Variants in EDA observed in about 807,000 individuals in gnomAD.
EDA encodes the protein ectodysplasin A.
A neutral mutation model predicts 23.6 loss-of-function variants in EDA; 2 were observed. The observed-to-expected ratio is 0.08, with a 90% CI of 0.03 to 0.27. EDA has a LOEUF of 0.27. EDA is among the 10% of genes least tolerant of loss of function. EDA has a pLI of 1.00. For missense variants in EDA, 229 were observed against 324.2 expected (o/e 0.71, Z 2.26); for synonymous variants, 131 against 132.0 (o/e 0.99, Z 0.05).
At chrX:69,717,161 G>A (rs767790713) in intron 1 of EDA, among the ~76,000 whole-genome samples, 1 of 111,131 alleles carries the variant, frequency 9.0e-6, no homozygotes, top group South Asian at 3.8e-4. Flanking sequence ...CAAGGGGAAT[G>A]CTTCCAGCTT....
intron 1 of EDA, among the ~76,000 whole-genome samples, chrX:69,731,177 G>A (rs1021963858): frequency 9.0e-6 from 1 of 111,154 alleles, no homozygotes; most frequent in Non-Finnish European, 1.9e-5. Flanking sequence ...TCTTTTTAAT[G>A]TCTGTAGGGT....
At chrX:69,908,287 T>A (rs2018208299) in intron 1 of EDA, among the ~76,000 whole-genome samples, 1 of 110,718 alleles carries the variant, frequency 9.0e-6, no homozygotes, top group Non-Finnish European at 1.9e-5. Flanking sequence ...AGATAATTAA[T>A]CCTATATCTT....
chrX:69,661,177 A>G (rs1310207675), intron 1 of EDA, among the ~76,000 whole-genome samples: 1 of 107,932 alleles, frequency 9.3e-6, no homozygotes, highest in Non-Finnish European at 1.9e-5. Context: ...TCCTTTGCCC[A>G]CTTTTTGATG....
chrX:69,962,278 G>T (rs1475867018), intron 2 of EDA, among the ~76,000 whole-genome samples: 2 of 111,577 alleles, frequency 1.8e-5, no homozygotes, highest in Non-Finnish European at 3.8e-5. Flanking sequence ...CAATCTTGAT[G>T]TCACTGCCAC....
intron 1 of EDA, among the ~76,000 whole-genome samples, chrX:69,798,391 C>G (rs1052726008): frequency 9.0e-6 from 1 of 111,583 alleles, no homozygotes; most frequent in Non-Finnish European, 1.9e-5. Context: ...GTGGAACATT[C>G]TCCAGGATAG....
chrX:69,839,322 CT>C (rs2016847072), intron 1 of EDA, among the ~76,000 whole-genome samples: 1 of 111,614 alleles, frequency 9.0e-6, no homozygotes, highest in Admixed American at 9.5e-5. Context: ...CACAGTTGAA[CT>C]TTTCCAAAAT....
intron 1 of EDA, among the ~76,000 whole-genome samples, chrX:69,881,901 T>C (rs2017754041): frequency 9.1e-6 from 1 of 110,139 alleles, no homozygotes; most frequent in Non-Finnish European, 1.9e-5. Flanking sequence ...GATCTTGTGG[T>C]AACTAATAGA....
chrX:69,786,077 G>A (rs1238244265), intron 1 of EDA, among the ~76,000 whole-genome samples: 1 of 108,520 alleles, frequency 9.2e-6, no homozygotes, highest in Admixed American at 9.8e-5. Flanking sequence ...TAGTTTATTT[G>A]CGTAGAGGTG....
chrX:69,793,031 A>G (rs2015446240), intron 1 of EDA, among the ~76,000 whole-genome samples: 1 of 112,267 alleles, frequency 8.9e-6, no homozygotes, highest in South Asian at 3.6e-4. Flanking sequence ...TTAGTCATGA[A>G]TTCTTTGCCT....
At chrX:69,813,869 G>GGAC (rs2016018523) in intron 1 of EDA, among the ~76,000 whole-genome samples, 1 of 109,690 alleles carries the variant, frequency 9.1e-6, no homozygotes, top group Non-Finnish European at 1.9e-5. Context: ...TAGACCATCT[G>GGAC]TGCTTTCAGT....
intron 1 of EDA, among the ~76,000 whole-genome samples, chrX:69,896,444 G>A (rs1456413432): frequency 1.9e-5 from 2 of 107,479 alleles, no homozygotes; most frequent in Non-Finnish European, 1.9e-5. Context: ...GGTTGAGAAA[G>A]GCTGCAAAGA....
chrX:69,963,984 T>A (rs902138316), intron 2 of EDA, among the ~76,000 whole-genome samples: 2 of 111,763 alleles, frequency 1.8e-5, no homozygotes, highest in Non-Finnish European at 3.8e-5. Context: ...AGTTAAGACA[T>A]CTTTGAGGAA....
intron 3 of EDA, 78 bp from the exon 4 acceptor site, chrX:70,027,779 T>C (rs914997412): frequency 1.1e-4 from 56 of 515,722 alleles, no homozygotes; most frequent in South Asian, 7.6e-4. Flanking sequence ...GCCGAGATCG[T>C]GCCACTGAAC....
chrX:69,723,694 A>G (rs1279975537), intron 1 of EDA, among the ~76,000 whole-genome samples: 3 of 111,987 alleles, frequency 2.7e-5, no homozygotes, highest in African/African-American at 9.7e-5. Flanking sequence ...CATGTTTGGT[A>G]GCTATAATTC....
At chrX:69,853,959 G>A (rs1308355462) in intron 1 of EDA, among the ~76,000 whole-genome samples, 1 of 111,428 alleles carries the variant, frequency 9.0e-6, no homozygotes, top group Non-Finnish European at 1.9e-5. Context: ...TTGGCCTATA[G>A]GTCATAGTTT....
rs1255651906 is a variant in EDA, at chrX:70,028,014, C to A, written c.684C>A (p.Pro228=). The A allele has an allele frequency of 8.4e-7, 1 of 1,188,301 alleles. No homozygotes were observed. The change falls in exon 4 of 8, where the codon CCC becomes CCA. Residue 228 remains proline, a synonymous_variant. Coordinates refer to ENST00000374552, the MANE Select transcript of EDA (RefSeq NM_001399.5). ...CAGGTCCTCCTGGTCCTCAAGGACCCCCTGGCCTCCAGGGACCTTCTGGTG... is the reference window on the plus strand; with the variant it reads ...CAGGTCCTCCTGGTCCTCAAGGACCACCTGGCCTCCAGGGACCTTCTGGTG... ...GPPGPPGPQG[P]PGLQGPSGAA...
At chrX:69,930,413 A>G (rs1303002853) in intron 1 of EDA, among the ~76,000 whole-genome samples, 1 of 110,804 alleles carries the variant, frequency 9.0e-6, no homozygotes, top group African/African-American at 3.3e-5. Flanking sequence ...AGGAAGAAAA[A>G]TCATATGATC....
intron 1 of EDA, among the ~76,000 whole-genome samples, chrX:69,804,983 G>A: frequency 9.0e-6 from 1 of 111,246 alleles, no homozygotes; most frequent in East Asian, 2.9e-4. Flanking sequence ...GAGGTTAAGG[G>A]ACTTGCCCAA....
intron 1 of EDA, among the ~76,000 whole-genome samples, chrX:69,894,245 G>A (rs867620935): frequency 4.5e-5 from 5 of 110,790 alleles, no homozygotes; most frequent in Middle Eastern, 4.6e-3. Context: ...GGCTATTTCT[G>A]TTCCGTTGGA....
Sources: allele counts gnomAD v4.1 joint callset (sites outside exome capture counted in the v4.1 genomes callset), GRCh38; gene constraint gnomAD v4.1.1; transcripts MANE v1.5; gene names NCBI Gene and HGNC (gene_info 2026-07-23, HGNC 2026-07-21).